The following LMX1A variants were observed in gnomAD, a reference collection of about 807,000 sequenced individuals.
LMX1A encodes the protein LIM homeobox transcription factor 1 alpha, also known as LIM homeobox transcription factor 1-alpha.
In LMX1A, 15 loss-of-function variants were observed where a neutral mutation model predicts 49.1. That is an observed-to-expected ratio of 0.31 (90% CI 0.20 to 0.47). The LOEUF is 0.47. LMX1A is among the 20% of genes least tolerant of loss of function. The pLI, the probability that LMX1A is intolerant of heterozygous loss-of-function variation, is 1.00. For synonymous variants in LMX1A, 167 were observed against 185.7 expected, an observed-to-expected ratio of 0.90 and a Z score of 0.82; for missense variants, 372 against 475.8, an observed-to-expected ratio of 0.78 and a Z score of 2.03.
chr1:165,249,665 C>T (rs1407659952), intron 3 of LMX1A, 25 bp from the exon 4 acceptor site: 1 of 1,583,820 alleles, frequency 6.3e-7, no homozygotes, highest in African/African-American at 1.3e-5. Context: ...AAAGGAAGTA[C>T]ATGCACCATG....
At chr1:165,292,978 G>A (rs898956178) in intron 3 of LMX1A, among the ~76,000 whole-genome samples, 5 of 152,134 alleles carry the variant, frequency 3.3e-5, no homozygotes, top group Admixed American at 6.5e-5. Flanking sequence ...TTAGCCAGGC[G>A]TGATGGTGCA....
chr1:165,311,497 G>A (rs751485684), intron 3 of LMX1A, among the ~76,000 whole-genome samples: 3 of 152,168 alleles, frequency 2.0e-5, no homozygotes, highest in Non-Finnish European at 4.4e-5. Context: ...GGCTGTGGAG[G>A]CCCAGCTCAC....
intron 4 of LMX1A, among the ~76,000 whole-genome samples, chr1:165,230,749 GGAGCT>G (rs1652211170): frequency 6.6e-6 from 1 of 152,214 alleles, no homozygotes; most frequent in East Asian, 1.9e-4. Context: ...GATAAGGAAA[GGAGCT>G]TATCCAAGAT....
In LMX1A at chr1:165,355,624, TG is replaced by T. The variant is rs1656582801; in HGVS notation, c.-22-44del. The T allele has an allele frequency of 4.0e-6, 6 of 1,497,104 alleles. No homozygotes were observed. Among genetic ancestry groups the T allele is most frequent in the Non-Finnish European group, 5.5e-6 (6 of 1,085,124 alleles). The allele number at this position is 1,497,104 out of a possible 1,614,324, so 92.7% of individuals were successfully genotyped here. ...CGATGCGTCTGACGTCCGTGCCCGC[TG>T]GGACTCGGCGCCAGCAGCCACCGCA... On this transcript the variant is annotated intron_variant, in intron 1 of 8. Coordinates refer to ENST00000342310, the MANE Select transcript of LMX1A (RefSeq NM_177398.4). The surrounding 1 kb of genome is among the most constrained non-coding windows in gnomAD (Gnocchi z 4.7).
chr1:165,205,828 T>A (rs1179144454), intron 8 of LMX1A, 36 bp downstream of exon 8: 1 of 1,604,368 alleles, frequency 6.2e-7, no homozygotes, highest in South Asian at 1.1e-5. Flanking sequence ...CCCACACAAG[T>A]TATGAGAGGG....
chr1:165,277,110 T>C (rs1653992715), intron 3 of LMX1A, among the ~76,000 whole-genome samples: 1 of 152,240 alleles, frequency 6.6e-6, no homozygotes, highest in South Asian at 2.1e-4. Context: ...CTTGACTGTT[T>C]GCCACAGGAA....
chr1:165,326,366 G>A (rs545030124), intron 3 of LMX1A, among the ~76,000 whole-genome samples: 1 of 152,268 alleles, frequency 6.6e-6, no homozygotes, highest in South Asian at 2.1e-4. Flanking sequence ...CTCAAATCAG[G>A]GTAATATTAA....
chr1:165,227,457 C>G (rs1171466552), intron 4 of LMX1A, among the ~76,000 whole-genome samples: 1 of 152,148 alleles, frequency 6.6e-6, no homozygotes, highest in African/African-American at 2.4e-5. Context: ...AAGAGAATCA[C>G]CTGAACCCAG....
intron 3 of LMX1A, among the ~76,000 whole-genome samples, chr1:165,279,031 T>C (rs1654055264): frequency 6.6e-6 from 1 of 152,234 alleles, no homozygotes. Flanking sequence ...GGGGGCACTT[T>C]CTGGAATTTT....
intron 4 of LMX1A, among the ~76,000 whole-genome samples, chr1:165,227,953 A>G (rs1345526668): frequency 6.6e-6 from 1 of 152,212 alleles, no homozygotes; most frequent in East Asian, 1.9e-4. Flanking sequence ...CGTGCATTTG[A>G]CAAACATTTA....
chr1:165,235,441 T>C (rs369385425), intron 4 of LMX1A, among the ~76,000 whole-genome samples: 1 of 150,286 alleles, frequency 6.7e-6, no homozygotes, highest in East Asian at 2.0e-4. Flanking sequence ...CACACACAAA[T>C]AAATCCCCAG....
At chr1:165,267,399 A>G (rs761673420) in intron 3 of LMX1A, among the ~76,000 whole-genome samples, 4 of 152,184 alleles carry the variant, frequency 2.6e-5, no homozygotes, top group African/African-American at 4.8e-5. Context: ...CCATTGTATG[A>G]TAGACCACAT....
At chr1:165,245,356 T>C (rs1486380898) in intron 4 of LMX1A, among the ~76,000 whole-genome samples, 1 of 152,102 alleles carries the variant, frequency 6.6e-6, no homozygotes, top group African/African-American at 2.4e-5. Flanking sequence ...TTATTTCCCA[T>C]AAAGGCAATC....
rs150988139 is a variant in LMX1A at position 165,327,632 on chromosome 1, C to T, written c.263+25444G>A. Among the ~76,000 whole-genome samples the T allele has an allele frequency of 3.9e-3, 591 of 152,322 alleles. 7 individuals carry two copies. Among genetic ancestry groups the T allele is most frequent in the Non-Finnish European group, 3.8e-3 (258 of 68,030 alleles). The stretch of plus-strand genomic sequence containing the variant: ...TTAGGAATCCCCTCCCAACTGACAG[C>T]CTCAGGTTTCTCGTCCCACAGCACT... On this transcript the variant is annotated intron_variant, in intron 3 of 8. Transcript: ENST00000342310.
chr1:165,300,626 T>C (rs957729565), intron 3 of LMX1A, among the ~76,000 whole-genome samples: 1 of 152,196 alleles, frequency 6.6e-6, no homozygotes, highest in Admixed American at 6.5e-5. Flanking sequence ...TCCCTGAGGC[T>C]CCCTGCTTCT....
At chr1:165,213,413 A>G (rs1047177695) in intron 5 of LMX1A, 3 of 455,244 alleles carry the variant, frequency 6.6e-6, no homozygotes, top group East Asian at 6.8e-5. Flanking sequence ...GACAGGGGCC[A>G]TTTGGAGTTG....
At chr1:165,340,605 C>T (rs1571232279) in intron 3 of LMX1A, among the ~76,000 whole-genome samples, 1 of 152,190 alleles carries the variant, frequency 6.6e-6, no homozygotes, top group East Asian at 1.9e-4. Context: ...TTGGGCATTC[C>T]CCTCTTCTGA....
At chr1:165,269,696 T>C (rs1653737389) in intron 3 of LMX1A, among the ~76,000 whole-genome samples, 1 of 152,168 alleles carries the variant, frequency 6.6e-6, no homozygotes, top group Non-Finnish European at 1.5e-5. Flanking sequence ...ATATACACCA[T>C]GGAATACAAT....
At chr1:165,260,385 G>A (rs1448231973) in intron 3 of LMX1A, among the ~76,000 whole-genome samples, 1 of 152,094 alleles carries the variant, frequency 6.6e-6, no homozygotes, top group African/African-American at 2.4e-5. Context: ...ATAACAGGAA[G>A]GACAAGGGTA....
Sources: gnomAD v4.1 joint callset for allele counts (sites outside exome capture counted in the v4.1 genomes callset) on GRCh38, gnomAD v4.1.1 for gene constraint, Gnocchi (gnomAD v3.1) non-coding constraint, MANE v1.5 for transcripts, NCBI Gene and HGNC (gene_info 2026-07-23, HGNC 2026-07-21) for gene names.